The following NUAK1 variants were observed in gnomAD, a reference collection of about 807,000 sequenced individuals.
NUAK1 encodes NUAK family kinase 1.
A neutral mutation model predicts 56.9 loss-of-function variants in NUAK1; 26 were observed. The ratio of observed to expected loss-of-function variants is 0.46; its 90% CI spans 0.33 to 0.63. The LOEUF (loss-of-function observed/expected upper bound fraction) is 0.63. Among genes scored for constraint, NUAK1 ranks in the 30% least tolerant of loss-of-function variants. NUAK1 has a pLI of 0.02. For synonymous variants in NUAK1, 337 were observed against 336.0 expected, an observed-to-expected ratio of 1.00 and a Z score of -0.03; for missense variants, 727 against 876.1, an observed-to-expected ratio of 0.83 and a Z score of 2.15.
chr12:106,106,953 G>T (rs574875211), intron 1 of NUAK1, among the ~76,000 whole-genome samples: 2 of 152,318 alleles, frequency 1.3e-5, no homozygotes, highest in Non-Finnish European at 2.9e-5. Flanking sequence ...TGCCACAGCA[G>T]TGGCTATAAA....
intron 1 of NUAK1, among the ~76,000 whole-genome samples, chr12:106,125,691 C>G (rs2033019048): frequency 6.6e-6 from 1 of 152,104 alleles, no homozygotes; most frequent in African/African-American, 2.4e-5. Context: ...CATTTTTCTC[C>G]TCTCCAGGAT....
intron 4 of NUAK1, among the ~76,000 whole-genome samples, chr12:106,073,424 T>C (rs1225324875): frequency 3.3e-5 from 5 of 152,132 alleles, no homozygotes; most frequent in African/African-American, 1.2e-4. Flanking sequence ...GGGTTTTGAG[T>C]CATCATATTT....
At chr12:106,125,075 G>C (rs1015330306) in intron 1 of NUAK1, among the ~76,000 whole-genome samples, 4 of 151,890 alleles carry the variant, frequency 2.6e-5, no homozygotes, top group Non-Finnish European at 5.9e-5. Context: ...CAAAAATCTG[G>C]CCCAGAGCGC....
At chr12:106,120,016 A>T (rs2032957877) in intron 1 of NUAK1, among the ~76,000 whole-genome samples, 1 of 152,162 alleles carries the variant, frequency 6.6e-6, no homozygotes, top group Non-Finnish European at 1.5e-5. Flanking sequence ...ATTATAACTT[A>T]TTAGTATTTC....
At chr12:106,103,064 G>A (rs570823835) in intron 2 of NUAK1, 4 of 152,326 alleles carry the variant, frequency 2.6e-5, no homozygotes, top group Admixed American at 6.5e-5. Flanking sequence ...CCAACTTCAC[G>A]TTGGTAACTA....
chr12:106,114,723 G>A (rs981899364), intron 1 of NUAK1, among the ~76,000 whole-genome samples: 5 of 152,144 alleles, frequency 3.3e-5, no homozygotes, highest in African/African-American at 1.2e-4. Flanking sequence ...TGAGCAAGGG[G>A]TCCTTCCTAA....
intron 4 of NUAK1, 23 bp from the exon 5 acceptor site, chr12:106,072,866 G>T (rs1210270817): frequency 1.2e-6 from 2 of 1,613,146 alleles, no homozygotes; most frequent in Non-Finnish European, 1.7e-6. Flanking sequence ...GCAAGACCCA[G>T]GGAGACTTGT....
intron 2 of NUAK1, among the ~76,000 whole-genome samples, chr12:106,092,495 CA>C (rs879689800): frequency 0.012 from 1,611 of 134,666 alleles, 23 homozygotes; most frequent in African/African-American, 0.039. Context: ...GACTCTGTCT[CA>C]AAAAAAAAAA....
At chr12:106,129,398 G>C (rs1325926649) in intron 1 of NUAK1, among the ~76,000 whole-genome samples, 1 of 152,200 alleles carries the variant, frequency 6.6e-6, no homozygotes, top group Non-Finnish European at 1.5e-5. Context: ...CCTAGCACTG[G>C]GCTACAGGCT....
intron 2 of NUAK1, among the ~76,000 whole-genome samples, chr12:106,096,179 G>C (rs565556670): frequency 6.6e-6 from 1 of 151,340 alleles, no homozygotes; most frequent in Non-Finnish European, 1.5e-5. Context: ...TTAAAAATTA[G>C]TGTCAAGTAT....
At chr12:106,112,234 A>ACCTGCCT (rs2032867075) in intron 1 of NUAK1, among the ~76,000 whole-genome samples, 1 of 152,106 alleles carries the variant, frequency 6.6e-6, no homozygotes, top group Admixed American at 6.5e-5. Context: ...GCCATTCACA[A>ACCTGCCT]GGTGTGATCT....
chr12:106,088,508 C>T (rs1325764534), intron 2 of NUAK1, among the ~76,000 whole-genome samples: 1 of 152,178 alleles, frequency 6.6e-6, no homozygotes, highest in Admixed American at 6.5e-5. Context: ...AGGTCCTCTG[C>T]CTAGACGGAC....
chr12:106,099,283 G>A (rs1383069962), intron 2 of NUAK1, among the ~76,000 whole-genome samples: 1 of 152,114 alleles, frequency 6.6e-6, no homozygotes, highest in Non-Finnish European at 1.5e-5. Context: ...TGGGCCTGGG[G>A]GTATTGTGAT....
At chr12:106,071,093 A>T (rs1419858176) in intron 5 of NUAK1, among the ~76,000 whole-genome samples, 187 bp from the exon 6 acceptor site, 1 of 152,226 alleles carries the variant, frequency 6.6e-6, no homozygotes, top group African/African-American at 2.4e-5. Context: ...CCTGCTACAG[A>T]GCCTGACCTT....
chr12:106,111,489 C>A (rs2032859129), intron 1 of NUAK1, among the ~76,000 whole-genome samples: 1 of 152,080 alleles, frequency 6.6e-6, no homozygotes, highest in African/African-American at 2.4e-5. Flanking sequence ...TCCCTGCCCT[C>A]CTCCTTTTGC....
intron 4 of NUAK1, among the ~76,000 whole-genome samples, chr12:106,080,956 T>C (rs1326345166): frequency 6.6e-6 from 1 of 152,208 alleles, no homozygotes. Flanking sequence ...CCTTTCTAAA[T>C]ATGTTTCAGC....
intron 4 of NUAK1, among the ~76,000 whole-genome samples, chr12:106,079,322 A>G (rs1479344395): frequency 1.3e-5 from 2 of 151,994 alleles, no homozygotes; most frequent in Non-Finnish European, 1.5e-5. Flanking sequence ...GCTCCTTACT[A>G]TCAAACTCCT....
At position 106,066,897 on chromosome 12, in the gene NUAK1, G is replaced by A. The variant is rs552453023; in HGVS notation, c.1891C>T (p.Arg631Trp). Residue 631 changes from arginine (R) to tryptophan (W), a missense_variant, in exon 7 of 7, where the codon CGG becomes TGG. Physicochemically the swap from Arg to Trp is moderately radical, Grantham distance 101 (BLOSUM62 -3). Coordinates refer to ENST00000261402, the MANE Select transcript of NUAK1 (RefSeq NM_014840.3). Reference sequence around the variant, plus strand: ...AGGGAGAAGCTGCTGTCTGCCAGCCGGTTCCGGTACCGCTTCAGGTACTGG... The same window carrying A: ...AGGGAGAAGCTGCTGTCTGCCAGCCAGTTCCGGTACCGCTTCAGGTACTGG... ...RPQYLKRYRN[R>W]LADSSFSLLT... The A allele has an allele frequency of 6.8e-5, 110 of 1,614,250 alleles. No individual in the cohort carries two copies. In the Admixed American group the frequency reaches 7.5e-4, roughly 11 times the overall value.
intron 1 of NUAK1, among the ~76,000 whole-genome samples, chr12:106,135,840 GA>G (rs2033124635): frequency 1.3e-5 from 2 of 152,186 alleles, no homozygotes; most frequent in Admixed American, 1.3e-4. Context: ...TATTTTAGAT[GA>G]AAATGTCTTA....
Sources: gnomAD v4.1 joint callset for allele counts (sites outside exome capture counted in the v4.1 genomes callset) on GRCh38, gnomAD v4.1.1 for gene constraint, MANE v1.5 for transcripts, NCBI Gene and HGNC (gene_info 2026-07-23, HGNC 2026-07-21) for gene names.